Variants in HIVEP3 observed in about 807,000 individuals in gnomAD.
HIVEP3 encodes the protein HIVEP zinc finger 3, also known as transcription factor HIVEP3.
A neutral mutation model predicts 152.8 loss-of-function variants in HIVEP3; 49 were observed. The observed-to-expected ratio is 0.32, with a 90% CI of 0.26 to 0.41. The LOEUF (loss-of-function observed/expected upper bound fraction) is 0.41. Ranked by LOEUF, HIVEP3 falls within the 10% of genes least tolerant of loss-of-function variation. HIVEP3 has a pLI of 1.00. For missense variants in HIVEP3, 2,790 were observed against 3,103.3 expected (o/e 0.90, Z 2.40); for synonymous variants, 1,269 against 1,289.0 (o/e 0.98, Z 0.33).
chr1:41,691,903 A>G (rs1232643664), intron 2 of HIVEP3, among the ~76,000 whole-genome samples: 1 of 141,394 alleles, frequency 7.1e-6, no homozygotes, highest in Non-Finnish European at 1.5e-5. Context: ...TTTTTTTGAG[A>G]TGGAGTCTCA....
intron 1 of HIVEP3, among the ~76,000 whole-genome samples, chr1:42,009,092 C>T (rs891095157): frequency 6.6e-5 from 10 of 152,170 alleles, no homozygotes; most frequent in African/African-American, 2.4e-4. Context: ...TATTATTTGT[C>T]ATTATTAAGC....
chr1:41,551,049 C>T (rs1295399038), intron 5 of HIVEP3, among the ~76,000 whole-genome samples: 1 of 152,162 alleles, frequency 6.6e-6, no homozygotes, highest in East Asian at 1.9e-4. Flanking sequence ...AGATATGTTC[C>T]ATCAATACCT....
intron 1 of HIVEP3, among the ~76,000 whole-genome samples, chr1:41,845,121 C>G (rs935593732): frequency 1.3e-5 from 2 of 152,222 alleles, no homozygotes; most frequent in Non-Finnish European, 2.9e-5. Flanking sequence ...TGACAACTCA[C>G]TTGAAAATTT....
At chr1:41,719,431 A>G (rs1367374155) in intron 1 of HIVEP3, among the ~76,000 whole-genome samples, 3 of 152,344 alleles carry the variant, frequency 2.0e-5, no homozygotes, top group East Asian at 1.9e-4. Context: ...TGAATAACTC[A>G]TCTATCTAAA....
At chr1:41,713,965 A>G (rs1646552833) in intron 1 of HIVEP3, among the ~76,000 whole-genome samples, 2 of 152,160 alleles carry the variant, frequency 1.3e-5, no homozygotes, top group Admixed American at 1.3e-4. Flanking sequence ...TCCCCTTCCA[A>G]GAGAAGCTCC....
In HIVEP3 at chr1:41,872,486, C is replaced by T. The variant is rs537010535; in HGVS notation, c.-801+45927G>A. ...CCACAAGAACTCAAATATAGAAGTA[C>T]GGAGTCCTTCTCAGGCCATATGCAG... On this transcript the variant is annotated intron_variant, in intron 1 of 8. Coordinates refer to ENST00000372583, the MANE Select transcript of HIVEP3 (RefSeq NM_024503.5). Among the ~76,000 whole-genome samples, 9 of 152,254 alleles carry T rather than the reference C, an allele frequency of 5.9e-5. No individual in the cohort carries two copies. The South Asian group carries it at 8.3e-4, about 14-fold the overall frequency.
intron 1 of HIVEP3, among the ~76,000 whole-genome samples, chr1:41,942,236 T>C (rs116212636): frequency 8.3e-4 from 127 of 152,340 alleles, no homozygotes; most frequent in African/African-American, 3.0e-3. Flanking sequence ...CACATCCATA[T>C]GGGTGTCCCA....
At chr1:41,623,190 C>G (rs999106500) in intron 3 of HIVEP3, among the ~76,000 whole-genome samples, 3 of 152,204 alleles carry the variant, frequency 2.0e-5, no homozygotes, top group Non-Finnish European at 2.9e-5. Flanking sequence ...AAATCTACCC[C>G]AGCCGAGTCA....
intron 1 of HIVEP3, among the ~76,000 whole-genome samples, chr1:41,753,690 T>TAAAA (rs1243695885): frequency 3.3e-5 from 5 of 150,488 alleles, no homozygotes; most frequent in Non-Finnish European, 7.4e-5. Flanking sequence ...AATAAATAAA[T>TAAAA]AAATAAATAA....
chr1:41,800,556 G>T (rs1478061968), intron 1 of HIVEP3, among the ~76,000 whole-genome samples: 1 of 152,236 alleles, frequency 6.6e-6, no homozygotes, highest in African/African-American at 2.4e-5. Flanking sequence ...GCCAAGACCA[G>T]CAGAGAACCA....
intron 2 of HIVEP3, among the ~76,000 whole-genome samples, chr1:41,638,096 G>A (rs1235459223): frequency 6.6e-6 from 1 of 152,136 alleles, no homozygotes; most frequent in Non-Finnish European, 1.5e-5. Flanking sequence ...ATCACTTACT[G>A]CATACAATGT....
chr1:41,759,943 G>C (rs1215251245), intron 1 of HIVEP3, among the ~76,000 whole-genome samples: 1 of 152,176 alleles, frequency 6.6e-6, no homozygotes, highest in Non-Finnish European at 1.5e-5. Flanking sequence ...GGCTCTACCT[G>C]GCCCTATTGT....
rs375103954 is a variant in HIVEP3 at position 41,591,136 on chromosome 1, T to A, written c.-521-5818A>T. On this transcript the variant is annotated intron_variant, in intron 3 of 8. Transcript: ENST00000372583. ...GGGCTGTCATGGCTGTGTGGAAAGATCTCTAGACTAGATTCCAGTCCTGGC... is the reference window on the plus strand; with the variant it reads ...GGGCTGTCATGGCTGTGTGGAAAGAACTCTAGACTAGATTCCAGTCCTGGC... Among the ~76,000 whole-genome samples, 16 of 152,292 alleles carry A rather than the reference T, an allele frequency of 1.1e-4. No homozygotes were observed. The East Asian group carries it at 2.3e-3, about 22-fold the overall frequency.
intron 1 of HIVEP3, among the ~76,000 whole-genome samples, chr1:42,017,240 T>C (rs1435795328): frequency 6.6e-6 from 1 of 152,210 alleles, no homozygotes; most frequent in African/African-American, 2.4e-5. Context: ...ATTTTATATT[T>C]AAATATGTAA....
intron 1 of HIVEP3, among the ~76,000 whole-genome samples, chr1:41,802,439 C>T (rs952867568): frequency 1.3e-5 from 2 of 152,110 alleles, no homozygotes; most frequent in Non-Finnish European, 2.9e-5. Context: ...TAGTCTCAAA[C>T]TCCTGGGCTC....
chr1:41,659,995 A>T (rs1645688266), intron 2 of HIVEP3, among the ~76,000 whole-genome samples: 1 of 152,212 alleles, frequency 6.6e-6, no homozygotes, highest in Admixed American at 6.5e-5. Context: ...TGTGAGTATG[A>T]ACAAGTATAC....
chr1:41,599,756 T>C (rs1426070270), intron 3 of HIVEP3, among the ~76,000 whole-genome samples: 1 of 152,182 alleles, frequency 6.6e-6, no homozygotes, highest in Non-Finnish European at 1.5e-5. Context: ...TAAAATCTTC[T>C]ATGCGTGAAA....
Position 41,583,508 on chromosome 1 carries a change from G to A in HIVEP3, c.1290C>T (p.Ala430=), listed in dbSNP as rs763440418. The A allele has an allele frequency of 1.9e-6, 3 of 1,613,872 alleles. No homozygotes were observed. The highest frequency in any genetic ancestry group is 1.7e-5 in the Admixed American group (1 of 59,984). The change falls in exon 4 of 9, where the codon GCC becomes GCT. Residue 430 remains alanine, a synonymous_variant. Transcript: ENST00000372583. This position sits in a 1 kb window ranked among gnomAD's most constrained non-coding sequence, Gnocchi z 6.9. The part of the protein sequence containing the change: ...GKCGRIGQRT[A]MLTATSTQPL... ...GCTGGGTGGAGGTGGCTGTCAGCAT[G>A]GCGGTCCGCTGTCCTATTCGCCCAC...
intron 1 of HIVEP3, among the ~76,000 whole-genome samples, chr1:41,984,746 C>T (rs1033730401): frequency 3.3e-5 from 5 of 152,198 alleles, no homozygotes; most frequent in African/African-American, 1.2e-4. Flanking sequence ...CTGCTGGCCA[C>T]AGGATGGAGA....
Sources: gnomAD v4.1 joint callset for allele counts (sites outside exome capture counted in the v4.1 genomes callset) on GRCh38, gnomAD v4.1.1 for gene constraint, Gnocchi (gnomAD v3.1) non-coding constraint, MANE v1.5 for transcripts, NCBI Gene and HGNC (gene_info 2026-07-23, HGNC 2026-07-21) for gene names.